The following TTC13 variants were observed in gnomAD, a reference collection of about 807,000 sequenced individuals.
TTC13 encodes tetratricopeptide repeat protein 13.
A neutral mutation model predicts 120.0 loss-of-function variants in TTC13; 62 were observed. That is an observed-to-expected ratio of 0.52 (90% CI 0.42 to 0.64). The LOEUF is 0.64. Among genes scored for constraint, TTC13 ranks in the 30% least tolerant of loss-of-function variants. The pLI, the probability that TTC13 is intolerant of heterozygous loss-of-function variation, is 0.00. For missense variants in TTC13, 824 were observed against 1,050.2 expected (o/e 0.78, Z 2.98); for synonymous variants, 384 against 393.5 (o/e 0.98, Z 0.28).
chr1:230,919,225 C>T (rs1195301513), intron 17 of TTC13, among the ~76,000 whole-genome samples: 1 of 151,418 alleles, frequency 6.6e-6, no homozygotes, highest in Middle Eastern at 3.2e-3. Flanking sequence ...GGGTCTCACT[C>T]ATCACCCAGT....
At chr1:230,926,164 A>G (rs539211849) in intron 12 of TTC13, among the ~76,000 whole-genome samples, 1 of 152,270 alleles carries the variant, frequency 6.6e-6, no homozygotes, top group South Asian at 2.1e-4. Context: ...ACTCAGGCTC[A>G]GAAATTGGCT....
At position 230,942,796 on chromosome 1, in the gene TTC13, C is replaced by A. The variant is rs1266287219; in HGVS notation, c.672+1010G>T. Among the ~76,000 whole-genome samples the A allele has an allele frequency of 3.3e-5, 5 of 152,194 alleles. No individual in the cohort carries two copies. The highest frequency in any genetic ancestry group is 7.4e-5 in the Non-Finnish European group (5 of 68,022). Reference sequence around the variant, plus strand: ...ACACTCTCCTCCATCTTGTCCCCACCACACCATGGGACTGGATCAGCTCTA... The same window carrying A: ...ACACTCTCCTCCATCTTGTCCCCACAACACCATGGGACTGGATCAGCTCTA... On this transcript the variant is annotated intron_variant, in intron 6 of 22. Transcript: ENST00000366661. This position sits in a 1 kb window ranked among gnomAD's most constrained non-coding sequence, Gnocchi z 4.0.
chr1:230,918,011 C>T (rs1374369132), intron 17 of TTC13, among the ~76,000 whole-genome samples: 1 of 152,100 alleles, frequency 6.6e-6, no homozygotes, highest in African/African-American at 2.4e-5. Flanking sequence ...CAGTTGGGAG[C>T]CAAGATTACT....
rs1023084147 is a variant in TTC13 at position 230,942,065 on chromosome 1, T to C, written c.673-1509A>G. 3.3e-5 allele frequency among the ~76,000 whole-genome samples: 5 copies of C among 152,190 alleles called. No homozygotes were observed. The highest frequency in any genetic ancestry group is 1.2e-4 in the African/African-American group (5 of 41,444). On this transcript the variant is annotated intron_variant, in intron 6 of 22. Transcript: ENST00000366661. The surrounding 1 kb of genome is among the most constrained non-coding windows in gnomAD (Gnocchi z 4.0). ...ACAATGCCAGAAAAACAGAATATTATTATACATTTTTAAGACAATTAAAAA... is the reference window on the plus strand; with the variant it reads ...ACAATGCCAGAAAAACAGAATATTACTATACATTTTTAAGACAATTAAAAA...
At chr1:230,971,144 G>A (rs942511332) in intron 1 of TTC13, among the ~76,000 whole-genome samples, 4 of 151,798 alleles carry the variant, frequency 2.6e-5, no homozygotes, top group Admixed American at 2.6e-4. Context: ...AGGAGATCGA[G>A]ACCATCCTGG....
intron 17 of TTC13, 135 bp from the exon 18 acceptor site, chr1:230,916,437 G>T (rs7537655): frequency 0.68 from 468,902 of 692,308 alleles, 159,931 homozygotes; most frequent in Admixed American, 0.76. Flanking sequence ...AGAGATGGTG[G>T]CCTGGTGGCC....
chr1:230,962,081 G>T (rs1034762269), intron 1 of TTC13, among the ~76,000 whole-genome samples: 1 of 152,012 alleles, frequency 6.6e-6, no homozygotes, highest in Non-Finnish European at 1.5e-5. Flanking sequence ...GTGGTGGCAG[G>T]TGCCTGTAAT....
intron 12 of TTC13, among the ~76,000 whole-genome samples, chr1:230,927,632 C>G (rs145947372): frequency 1.3e-3 from 202 of 152,202 alleles, no homozygotes; most frequent in African/African-American, 4.8e-3. Context: ...GTATCTTTAT[C>G]CAATTTGGGC....
In TTC13 at chr1:230,942,009, A is replaced by C. The variant is rs568217678; in HGVS notation, c.673-1453T>G. 4.7e-4 allele frequency among the ~76,000 whole-genome samples: 72 copies of C among 152,354 alleles called. No individual in the cohort carries two copies. Among genetic ancestry groups the C allele is most frequent in the African/African-American group, 1.7e-3 (69 of 41,584 alleles). On this transcript the variant is annotated intron_variant, in intron 6 of 22. Transcript: ENST00000366661. The surrounding 1 kb of genome is among the most constrained non-coding windows in gnomAD (Gnocchi z 4.0). ...AATGGTATGTTATAATTTAGCCGGA[A>C]AATTCAGTATGTAGTAACATTATTG...
intron 2 of TTC13, among the ~76,000 whole-genome samples, chr1:230,959,483 G>A (rs1410059369): frequency 6.6e-6 from 1 of 152,050 alleles, no homozygotes; most frequent in Non-Finnish European, 1.5e-5. Context: ...CTGGGTTCAA[G>A]CGATTCTCCT....
intron 12 of TTC13, among the ~76,000 whole-genome samples, chr1:230,926,551 T>C (rs1673068807): frequency 6.6e-6 from 1 of 152,120 alleles, no homozygotes; most frequent in Admixed American, 6.5e-5. Context: ...CCTCTCCTAT[T>C]AGTTTTGGGA....
chr1:230,943,556 AT>A (rs1218894145), intron 6 of TTC13, among the ~76,000 whole-genome samples: 4 of 152,076 alleles, frequency 2.6e-5, no homozygotes, highest in Non-Finnish European at 5.9e-5. Flanking sequence ...TACACGTCAT[AT>A]TTTCATACTA....
At chr1:230,909,838 G>A (rs999761280) in intron 20 of TTC13, among the ~76,000 whole-genome samples, 6 of 152,176 alleles carry the variant, frequency 3.9e-5, no homozygotes, top group Non-Finnish European at 7.3e-5. Context: ...GGCTCGTGGG[G>A]CAAGGTCTGC....
intron 22 of TTC13, among the ~76,000 whole-genome samples, chr1:230,908,239 G>A (rs749149929): frequency 6.6e-6 from 1 of 152,198 alleles, no homozygotes; most frequent in African/African-American, 2.4e-5. Flanking sequence ...CCAAGCTGGA[G>A]TGCAGTGGTG....
At chr1:230,919,898 T>C (rs369329434) in intron 17 of TTC13, among the ~76,000 whole-genome samples, 2 of 152,320 alleles carry the variant, frequency 1.3e-5, no homozygotes, top group African/African-American at 4.8e-5. Context: ...GAGCCTCTCA[T>C]GGTCTTTTAT....
At chr1:230,964,917 A>C (rs1676986702) in intron 1 of TTC13, among the ~76,000 whole-genome samples, 1 of 152,220 alleles carries the variant, frequency 6.6e-6, no homozygotes, top group Admixed American at 6.5e-5. Flanking sequence ...GGAAAACTGA[A>C]TATCCATATG....
intron 18 of TTC13, among the ~76,000 whole-genome samples, chr1:230,913,979 G>A (rs960291185): frequency 2.6e-5 from 4 of 152,186 alleles, no homozygotes; most frequent in Non-Finnish European, 5.9e-5. Context: ...GGTATGGAGA[G>A]GGGAGAGATT....
At chr1:230,908,203 T>A (rs923747835) in intron 22 of TTC13, among the ~76,000 whole-genome samples, 5 of 152,244 alleles carry the variant, frequency 3.3e-5, no homozygotes, top group African/African-American at 1.2e-4. Context: ...CATGGTTCTT[T>A]AAGAGTCAGG....
Position 230,916,184 on chromosome 1 carries a change from C to T in TTC13, c.2093+9G>A, listed in dbSNP as rs192530071. 113 of 1,589,698 alleles carry T rather than the reference C, an allele frequency of 7.1e-5. 1 individual carries two copies. In the East Asian group the frequency reaches 1.1e-3, roughly 15 times the overall value. Reference sequence around the variant, plus strand: ...TCTAGTTTACACCCACATTAAGAAGCGCACATACTTGTCTCCTGTAATCGT... The same window carrying T: ...TCTAGTTTACACCCACATTAAGAAGTGCACATACTTGTCTCCTGTAATCGT... On this transcript the variant is annotated intron_variant, in intron 18 of 22. Coordinates refer to ENST00000366661, the MANE Select transcript of TTC13 (RefSeq NM_024525.5).
Sources: allele counts gnomAD v4.1 joint callset (sites outside exome capture counted in the v4.1 genomes callset), GRCh38; gene constraint gnomAD v4.1.1; non-coding constraint Gnocchi (gnomAD v3.1); transcripts MANE v1.5; gene names NCBI Gene and HGNC (gene_info 2026-07-23, HGNC 2026-07-21).